LEMD1: variants seen among roughly 807,000 people sequenced by gnomAD.
The protein encoded by LEMD1 is LEM domain containing 1, also known as LEM domain-containing protein 1.
LEMD1 carries 18 observed loss-of-function variants against 17.4 expected under a neutral mutation model. The observed-to-expected ratio is 1.04, with a 90% CI of 0.72 to 1.54. The LOEUF is 1.54. LEMD1 is among the 40% of genes most tolerant of loss of function. The pLI is 0.00. For synonymous variants in LEMD1, 88 were observed against 77.8 expected (o/e 1.13, Z -0.69); for missense variants, 195 against 210.4 (o/e 0.93, Z 0.45).
chr1:205,426,053 C>T (rs1666051162), upstream of LEMD1, among the ~76,000 whole-genome samples: 1 of 152,216 alleles, frequency 6.6e-6, no homozygotes, highest in Non-Finnish European at 1.5e-5. Context: ...CTGCTTTACA[C>T]ACTGGACTCA....
At chr1:205,428,496 C>T (rs539621955) in intron 1 of LEMD1, among the ~76,000 whole-genome samples, 5 of 152,306 alleles carry the variant, frequency 3.3e-5, no homozygotes, top group African/African-American at 1.2e-4. Flanking sequence ...AAACGAGGTT[C>T]CTGCCCTCCT....
chr1:205,432,388 C>A (rs1249492252), intron 1 of LEMD1, among the ~76,000 whole-genome samples: 9 of 152,214 alleles, frequency 5.9e-5, no homozygotes, highest in Admixed American at 5.9e-4. Context: ...TTCCCCTCAT[C>A]CTAACAAAAC....
chr1:205,418,179 G>A (rs1361422967), intron 3 of LEMD1, among the ~76,000 whole-genome samples: 1 of 152,176 alleles, frequency 6.6e-6, no homozygotes, highest in Non-Finnish European at 1.5e-5. Context: ...ATGGGATGAT[G>A]AGCATTCGGC....
At chr1:205,418,075 C>T (rs553446031) in intron 3 of LEMD1, among the ~76,000 whole-genome samples, 2 of 152,190 alleles carry the variant, frequency 1.3e-5, no homozygotes, top group South Asian at 2.1e-4. Context: ...CCCGTGCTAA[C>T]GTATGCTTAT....
At chr1:205,394,031 A>T (rs192603141) in intron 4 of LEMD1, among the ~76,000 whole-genome samples, 3 of 152,320 alleles carry the variant, frequency 2.0e-5, no homozygotes, top group East Asian at 3.9e-4. Flanking sequence ...CATAAAAAGG[A>T]ATGAAGTGCT....
chr1:205,435,193 C>A (rs966335936), intron 1 of LEMD1: 1 of 152,134 alleles, frequency 6.6e-6, no homozygotes, highest in African/African-American at 2.4e-5. Flanking sequence ...GAAATGTATC[C>A]GCCCAACACA....
chr1:205,418,962 AT>A (rs1374058453), intron 3 of LEMD1, among the ~76,000 whole-genome samples: 2 of 152,220 alleles, frequency 1.3e-5, no homozygotes, highest in Non-Finnish European at 2.9e-5. Flanking sequence ...ATCACCACAC[AT>A]TTGGCTCTAG....
At chr1:205,430,567 C>T (rs1666111269) in intron 1 of LEMD1, among the ~76,000 whole-genome samples, 1 of 152,208 alleles carries the variant, frequency 6.6e-6, no homozygotes. Flanking sequence ...AGGAGAAAGC[C>T]GCCCATCACC....
At chr1:205,382,564 C>T (rs918341804) in intron 5 of LEMD1, among the ~76,000 whole-genome samples, 1 of 152,046 alleles carries the variant, frequency 6.6e-6, no homozygotes, top group Non-Finnish European at 1.5e-5. Flanking sequence ...TGCCCAGTCT[C>T]TAATTTCAAC....
intron 1 of LEMD1, among the ~76,000 whole-genome samples, chr1:205,434,179 C>T (rs1452493463): frequency 1.9e-5 from 1 of 53,890 alleles, no homozygotes; most frequent in Non-Finnish European, 5.9e-5. Flanking sequence ...ACTAAGGATT[C>T]TTATCTTTCT....
chr1:205,410,551 T>A (rs1322814998), intron 4 of LEMD1, among the ~76,000 whole-genome samples: 1 of 152,154 alleles, frequency 6.6e-6, no homozygotes, highest in Non-Finnish European at 1.5e-5. Context: ...AGAGGAAAGC[T>A]CCTTTCAGTT....
chr1:205,397,435 C>A (rs533814899), intron 4 of LEMD1, among the ~76,000 whole-genome samples: 2 of 152,256 alleles, frequency 1.3e-5, no homozygotes, highest in Non-Finnish European at 2.9e-5. Context: ...ACAGCAAGAC[C>A]TCATCTCCAC....
intron 5 of LEMD1, 127 bp downstream of exon 5, chr1:205,384,161 A>G: frequency 1.9e-6 from 1 of 520,038 alleles, no homozygotes; most frequent in South Asian, 4.9e-5. Context: ...GATATTACAA[A>G]TCTTTCTCCT....
At position 205,416,224 on chromosome 1, in the gene LEMD1, G is replaced by A; in HGVS notation, c.270+8C>T. The A allele has an allele frequency of 6.6e-7, 1 of 1,514,998 alleles. No individual in the cohort carries two copies. The highest frequency in any genetic ancestry group is 2.5e-5 in the East Asian group (1 of 40,742). 93.8% of individuals were successfully genotyped at this position (1,514,998 alleles called of 1,614,324 possible). ...GTATAAGTATTCAGGCATTAGAATGGTACATACTTTTTTGAGTTTCTTGCT... is the reference window on the plus strand; with the variant it reads ...GTATAAGTATTCAGGCATTAGAATGATACATACTTTTTTGAGTTTCTTGCT... On this transcript the variant is annotated splice_region_variant and intron_variant, in intron 4 of 5. Coordinates refer to ENST00000367153, the MANE Select transcript of LEMD1 (RefSeq NM_001199050.2).
intron 4 of LEMD1, among the ~76,000 whole-genome samples, chr1:205,391,455 A>C (rs1483460092): frequency 2.6e-5 from 4 of 152,166 alleles, no homozygotes; most frequent in Admixed American, 2.6e-4. Flanking sequence ...AAGCTCCCGG[A>C]AAAGCCAAAA....
chr1:205,443,885 G>C (rs1480926982), intron 1 of LEMD1, among the ~76,000 whole-genome samples: 1 of 152,184 alleles, frequency 6.6e-6, no homozygotes, highest in African/African-American at 2.4e-5. Context: ...CCCAGCAGCA[G>C]GTACCTGGGG....
At chr1:205,390,555 A>G (rs1664285318) in intron 4 of LEMD1, among the ~76,000 whole-genome samples, 1 of 152,234 alleles carries the variant, frequency 6.6e-6, no homozygotes, top group African/African-American at 2.4e-5. Context: ...AGTCTTAGCC[A>G]GCACAGTAAA....
chr1:205,403,125 G>C (rs1664928057), intron 4 of LEMD1, among the ~76,000 whole-genome samples: 1 of 152,036 alleles, frequency 6.6e-6, no homozygotes, highest in Admixed American at 6.6e-5. Flanking sequence ...GAGGATTTTT[G>C]CATCAATGTT....
chr1:205,397,222 C>A (rs945626912), intron 4 of LEMD1, among the ~76,000 whole-genome samples: 1 of 152,194 alleles, frequency 6.6e-6, no homozygotes, highest in Non-Finnish European at 1.5e-5. Flanking sequence ...TATTTCATCA[C>A]TCAGGTGCCT....
Sources: gnomAD v4.1 joint callset for allele counts (sites outside exome capture counted in the v4.1 genomes callset) on GRCh38, gnomAD v4.1.1 for gene constraint, MANE v1.5 for transcripts, NCBI Gene and HGNC (gene_info 2026-07-23, HGNC 2026-07-21) for gene names.